Variants in KANSL2 observed in about 807,000 individuals in gnomAD.
The protein encoded by KANSL2 is KAT8 regulatory NSL complex subunit 2, also known as NSL complex protein NSL2.
In KANSL2, 34 loss-of-function variants were observed where a neutral mutation model predicts 55.6. The observed-to-expected ratio is 0.61, with a 90% CI of 0.46 to 0.81. The LOEUF (loss-of-function observed/expected upper bound fraction) is 0.81, where lower values mean the gene tolerates loss of function less well. KANSL2 is among the 40% of genes least tolerant of loss of function. The probability of loss-of-function intolerance (pLI) is 0.00; values close to 1 mark genes in which losing one functional copy is unlikely to be tolerated. For synonymous variants in KANSL2, 209 were observed against 214.3 expected (o/e 0.98, Z 0.22); for missense variants, 502 against 609.9 (o/e 0.82, Z 1.86).
intron 1 of KANSL2, chr12:48,681,863 T>G: frequency 1.4e-6 from 1 of 705,142 alleles, no homozygotes; most frequent in Non-Finnish European, 2.6e-6. Context: ...CACACCACGC[T>G]GAATGTATCT....
rs199688241 is a variant in KANSL2 at position 48,671,884 on chromosome 12, A to G, written c.624T>C (p.Ile208=). 475 of 1,612,858 alleles carry G rather than the reference A, an allele frequency of 2.9e-4. No individual in the cohort carries two copies. The highest frequency in any genetic ancestry group is 3.9e-4 in the Non-Finnish European group (462 of 1,179,170). Residue 208 remains isoleucine, a synonymous_variant, in exon 5 of 10, where the codon ATT becomes ATC. Transcript: ENST00000420613. ...GATGCTGAAGTCGTTTAAACTGATC[A>G]ATATACAACGACTGCAAACGAATTA... ...EKLIRLQSLY[I]DQFKRLQHLL... is the part of the protein sequence containing the mutation.
At chr12:48,670,317 C>G (rs1375899606) in intron 5 of KANSL2, among the ~76,000 whole-genome samples, 2 of 151,734 alleles carry the variant, frequency 1.3e-5, no homozygotes, top group Non-Finnish European at 2.9e-5. Context: ...GTACTCCACT[C>G]TATTTATTAA....
chr12:48,671,838 G>C lies in KANSL2; in HGVS notation c.670C>G (p.Arg224Gly), dbSNP rs201529709. The change falls in exon 5 of 10, where the codon CGA (arginine) becomes GGA (glycine). Residue 224 changes from arginine to glycine, a missense_variant. Arg to Gly is a moderately radical substitution (Grantham distance 125). Transcript: ENST00000420613. ...LQHLLKEKKR[R>G]YLHNRKVEHE... is the part of the protein sequence containing the mutation. ...TCCACTTTGCGATTATGTAAGTATC[G>C]GCGCTTCTTCTCCTTGAGCAGATGC... The C allele has an allele frequency of 1.2e-6, 2 of 1,612,694 alleles. No individual in the cohort carries two copies. Among genetic ancestry groups the C allele is most frequent in the East Asian group, 2.2e-5 (1 of 44,858 alleles).
chr12:48,678,338 A>T (rs964465306), intron 4 of KANSL2, among the ~76,000 whole-genome samples: 3 of 152,212 alleles, frequency 2.0e-5, no homozygotes, highest in Admixed American at 1.3e-4. Context: ...TTAAGTGAAG[A>T]GCAGAAGCTT....
chr12:48,669,255 C>T lies in KANSL2; in HGVS notation c.727G>A (p.Gly243Ser). The T allele has an allele frequency of 6.4e-7, 1 of 1,572,330 alleles. No individual in the cohort carries two copies. Among genetic ancestry groups the T allele is most frequent in the East Asian group, 2.3e-5 (1 of 43,228 alleles). The part of the protein sequence containing the change: ...HEALGSSLLT[G>S]PEGLLAKERE... ...TCTTTGGCCAAAAGTCCCTCTGGGC[C>T]AGTCAGGAGACTACTGCCTAGAGTT... The change falls in exon 6 of 10, where the codon GGC becomes AGC. Residue 243 changes from glycine to serine, a missense_variant. Transcript: ENST00000420613.
At chr12:48,672,711 C>T (rs1425949257) in intron 4 of KANSL2, among the ~76,000 whole-genome samples, 1 of 151,806 alleles carries the variant, frequency 6.6e-6, no homozygotes, top group Non-Finnish European at 1.5e-5. Flanking sequence ...AACGCATAAG[C>T]TACTGCACCT....
chr12:48,656,790 A>G (rs1009910109), intron 8 of KANSL2: 9 of 496,136 alleles, frequency 1.8e-5, no homozygotes, highest in Non-Finnish European at 3.6e-5. Context: ...CTAAGGCAAT[A>G]CAAACTCAAA....
chr12:48,667,756 C>T lies in KANSL2; in HGVS notation c.910G>A (p.Ala304Thr), dbSNP rs780678336. ...HTTRSSQRCLAFVDDVRCSNQ... is the reference protein window; with the variant it reads ...HTTRSSQRCLTFVDDVRCSNQ... ...GAACAACGAACATCATCCACAAAGGCCAAGCACCTCTGACTGGAACGAGTG... is the reference window on the plus strand; with the variant it reads ...GAACAACGAACATCATCCACAAAGGTCAAGCACCTCTGACTGGAACGAGTG... The change falls in exon 7 of 10, where the codon GCC (alanine) becomes ACC (threonine). Residue 304 changes from alanine (A) to threonine (T), a missense_variant. Physicochemically the swap from Ala to Thr is moderately conservative, Grantham distance 58 (BLOSUM62 0). Transcript: ENST00000420613. The T allele has an allele frequency of 6.2e-7, 1 of 1,613,828 alleles. No individual in the cohort carries two copies. Among genetic ancestry groups the T allele is most frequent in the Non-Finnish European group, 8.5e-7 (1 of 1,179,778 alleles).
intron 7 of KANSL2, chr12:48,662,473 C>T (rs995632165): frequency 8.8e-7 from 1 of 1,130,916 alleles, no homozygotes; most frequent in African/African-American, 1.7e-5. Flanking sequence ...CCACAATATC[C>T]TAAAAAAGGA....
chr12:48,657,797 G>A (rs928587528), intron 8 of KANSL2, among the ~76,000 whole-genome samples: 14 of 151,812 alleles, frequency 9.2e-5, no homozygotes, highest in Non-Finnish European at 7.4e-5. Flanking sequence ...TTGTATTTTT[G>A]GTAGAGACGG....
Position 48,654,149 on chromosome 12 carries a change from C to T in KANSL2, c.1374G>A (p.Gly458=). Residue 458 remains glycine (G), a synonymous_variant, in exon 10 of 10, where the codon GGG becomes GGA. Transcript: ENST00000420613. Reference sequence around the variant, plus strand: ...AATTTCGAGATCCCTGGGATCTGCACCCATCTCCAGCCATCTGCATCTGGC... The same window carrying T: ...AATTTCGAGATCCCTGGGATCTGCATCCATCTCCAGCCATCTGCATCTGGC... ...ILGQMQMAGD[G]CRSQGSRNSE... is the part of the protein sequence containing the mutation. The T allele has an allele frequency of 6.2e-7, 1 of 1,610,824 alleles. No homozygotes were observed. Among genetic ancestry groups the T allele is most frequent in the South Asian group, 1.1e-5 (1 of 90,394 alleles).
intron 4 of KANSL2, among the ~76,000 whole-genome samples, chr12:48,675,651 C>A (rs903940370): frequency 6.6e-6 from 1 of 152,204 alleles, no homozygotes; most frequent in Non-Finnish European, 1.5e-5. Context: ...ATGTACCTAT[C>A]TGAAGCCATT....
intron 4 of KANSL2, among the ~76,000 whole-genome samples, chr12:48,676,438 C>T (rs949805965): frequency 6.6e-6 from 1 of 152,046 alleles, no homozygotes; most frequent in African/African-American, 2.4e-5. Flanking sequence ...ACGGGCAGAT[C>T]ACCTCAGATC....
In KANSL2 at chr12:48,681,980, G is replaced by C. The variant is rs568706779; in HGVS notation, c.-10+207C>G. 4 of 702,974 alleles carry C rather than the reference G, an allele frequency of 5.7e-6. No individual in the cohort carries two copies. In the African/African-American group the frequency reaches 7.0e-5, roughly 12 times the overall value. The allele number at this position is 702,974 out of a possible 1,614,324, so 43.5% of individuals were successfully genotyped here. ...CCTTTGTCCCGGCCTGCCTCAGAGC[G>C]CACGACTGGGCCTGGCCTCGGAAGC... On this transcript the variant is annotated intron_variant, in intron 1 of 9. Coordinates refer to ENST00000420613, the MANE Select transcript of KANSL2 (RefSeq NM_017822.4).
In KANSL2 at chr12:48,681,357, G is replaced by A. The variant is rs760434880; in HGVS notation, c.251+25C>T. ...CATACCCCCTCGCTTTAAGAAAAAC[G>A]ACATATATATCTATACATATATACC... On this transcript the variant is annotated intron_variant, in intron 2 of 9. Transcript: ENST00000420613. The A allele has an allele frequency of 2.5e-6, 4 of 1,573,036 alleles. No homozygotes were observed. The Admixed American group carries it at 5.7e-5, about 22-fold the overall frequency.
chr12:48,653,785 T>A lies in KANSL2; in HGVS notation c.*259A>T. 3.0e-6 allele frequency: 1 copy of A among 335,726 alleles called. No homozygotes were observed. The highest frequency in any genetic ancestry group is 4.8e-5 in the Admixed American group (1 of 21,048). 20.8% of individuals were successfully genotyped at this position (335,726 alleles called of 1,614,324 possible). On this transcript the variant is annotated 3_prime_UTR_variant, in exon 10 of 10. Transcript: ENST00000420613. ...CTTGGGAAATCCCATTACAAAGATG[T>A]CACTTTCCTTTTAGGTATAGTCCCA... is the stretch of plus-strand genomic sequence containing the variant.
chr12:48,679,924 G>T, intron 2 of KANSL2, 91 bp from the exon 3 acceptor site: 1 of 1,098,268 alleles, frequency 9.1e-7, no homozygotes, highest in Non-Finnish European at 1.3e-6. Flanking sequence ...CATTTTTAGG[G>T]AATTAAAATG....
intron 5 of KANSL2, among the ~76,000 whole-genome samples, chr12:48,669,593 C>G (rs1373097038): frequency 6.6e-6 from 1 of 151,858 alleles, no homozygotes; most frequent in African/African-American, 2.4e-5. Context: ...TCTTGGCTCA[C>G]TGCAAGCTCC....
intron 7 of KANSL2, among the ~76,000 whole-genome samples, chr12:48,667,063 C>G (rs1592102703): frequency 6.6e-6 from 1 of 151,878 alleles, no homozygotes; most frequent in East Asian, 1.9e-4. Flanking sequence ...TGCCTATAAT[C>G]CCAGCTACTC....
Sources: allele counts gnomAD v4.1 joint callset (sites outside exome capture counted in the v4.1 genomes callset), GRCh38; gene constraint gnomAD v4.1.1; transcripts MANE v1.5; gene names NCBI Gene and HGNC (gene_info 2026-07-23, HGNC 2026-07-21).